Variants in TET3 observed in about 807,000 individuals in gnomAD.
The protein encoded by TET3 is methylcytosine dioxygenase TET3.
Under a neutral mutation model 141.4 loss-of-function variants are expected in TET3, and 19 were observed. The ratio of observed to expected loss-of-function variants is 0.13; its 90% CI spans 0.09 to 0.20. The LOEUF (loss-of-function observed/expected upper bound fraction) is 0.20. TET3 is among the 10% of genes least tolerant of loss of function. TET3 has a pLI of 1.00. For missense variants in TET3, 1,874 were observed against 2,356.9 expected (o/e 0.80, Z 4.24); for synonymous variants, 1,043 against 980.9 (o/e 1.06, Z -1.18).
intron 3 of TET3, among the ~76,000 whole-genome samples, chr2:74,004,215 C>G (rs942380541): frequency 6.6e-6 from 1 of 152,134 alleles, no homozygotes; most frequent in Non-Finnish European, 1.5e-5. Context: ...CACCTGCCCC[C>G]TCAGCCGCTG....
intron 10 of TET3, among the ~76,000 whole-genome samples, chr2:74,095,462 GTA>G (rs1489480724): frequency 6.6e-6 from 1 of 152,150 alleles, no homozygotes; most frequent in Non-Finnish European, 1.5e-5. Flanking sequence ...AAAATGAAAA[GTA>G]TTGTTTTTTC....
intron 4 of TET3, among the ~76,000 whole-genome samples, chr2:74,063,897 A>AAAAG (rs1442565664): frequency 4.0e-5 from 6 of 150,918 alleles, no homozygotes; most frequent in African/African-American, 1.5e-4. Flanking sequence ...TGCAGACAAA[A>AAAAG]AAAAAAAAAA....
Position 74,065,600 on chromosome 2 carries a change from TTCCG to T in TET3, c.2495-7929_2495-7926del, listed in dbSNP as rs112413159. Among the ~76,000 whole-genome samples, 1,101 of 130,912 alleles carry T rather than the reference TTCCG, an allele frequency of 8.4e-3. 4 individuals are homozygous for T. Among genetic ancestry groups the T allele is most frequent in the Non-Finnish European group, 0.012 (709 of 59,802 alleles). The allele number at this position is 130,912 out of a possible 152,430, so 85.9% of individuals were successfully genotyped here. A position where few individuals can be genotyped will look rare whatever the true frequency, so the allele number is the denominator to read the frequency against. Reference sequence around the variant, plus strand: ...GGTCACCTGGTTCGTCCGTCCTTCCTTCCGTCCGTCCGTCCGTCCGTCCTTCCTT... The same window carrying T: ...GGTCACCTGGTTCGTCCGTCCTTCCTTCCGTCCGTCCGTCCGTCCTTCCTT... On this transcript the variant is annotated intron_variant, in intron 4 of 11. Transcript: ENST00000409262.
chr2:73,994,070 G>T (rs891694223), intron 2 of TET3, among the ~76,000 whole-genome samples: 3 of 152,150 alleles, frequency 2.0e-5, no homozygotes, highest in African/African-American at 7.2e-5. Context: ...GGGCAGTCAG[G>T]TACAGTGAGT....
intron 4 of TET3, among the ~76,000 whole-genome samples, chr2:74,068,233 T>C (rs527496698): frequency 1.4e-4 from 21 of 152,318 alleles, no homozygotes; most frequent in Admixed American, 7.8e-4. Context: ...GAACTCAGTT[T>C]AAACTTGCTT....
At chr2:74,003,763 A>C (rs934003927) in intron 3 of TET3, among the ~76,000 whole-genome samples, 6 of 146,842 alleles carry the variant, frequency 4.1e-5, no homozygotes, top group Non-Finnish European at 8.9e-5. Flanking sequence ...ACTCTGTGTG[A>C]CTTGGTGTCT....
chr2:74,117,016 G>A, the TET3 span, among the ~76,000 whole-genome samples: 2 of 152,166 alleles, frequency 1.3e-5, no homozygotes, highest in African/African-American at 4.8e-5. Flanking sequence ...AAGGGAGAGG[G>A]GAGCGGGGAG....
At chr2:74,042,376 G>T (rs1687382958) in intron 3 of TET3, among the ~76,000 whole-genome samples, 1 of 152,216 alleles carries the variant, frequency 6.6e-6, no homozygotes, top group African/African-American at 2.4e-5. Flanking sequence ...CTGGGGGTGA[G>T]TTGGAGTAGT....
chr2:74,014,933 C>T lies in TET3; in HGVS notation c.360+11767C>T, dbSNP rs1012434457. Among the ~76,000 whole-genome samples the T allele has an allele frequency of 2.9e-4, 44 of 152,216 alleles. 1 individual carries two copies. The highest frequency in any genetic ancestry group is 5.9e-5 in the Non-Finnish European group (4 of 68,030). On this transcript the variant is annotated intron_variant, in intron 3 of 11. Transcript: ENST00000409262. ...GTGGACATCTCTTAGACACCACCTC[C>T]TGGGCTCCACTGAAAACCCATTTCT... is the stretch of plus-strand genomic sequence containing the variant.
At chr2:74,092,726 C>T (rs540065496) in intron 8 of TET3, among the ~76,000 whole-genome samples, 176 bp from the exon 9 acceptor site, 68 of 152,302 alleles carry the variant, frequency 4.5e-4, no homozygotes, top group Admixed American at 2.9e-3. Flanking sequence ...TCAGTGTCCC[C>T]AGCTGTGAAG....
chr2:73,991,070 A>C (rs936222551), intron 2 of TET3, among the ~76,000 whole-genome samples: 7 of 151,546 alleles, frequency 4.6e-5, no homozygotes, highest in African/African-American at 1.7e-4. Flanking sequence ...TGGCCTCCCA[A>C]AGTGCTGGGA....
At chr2:73,991,254 A>G (rs1481002047) in intron 2 of TET3, among the ~76,000 whole-genome samples, 1 of 151,994 alleles carries the variant, frequency 6.6e-6, no homozygotes, top group Non-Finnish European at 1.5e-5. Context: ...CAGATTCTAA[A>G]TGAAAATTAG....
chr2:74,092,427 G>T (rs1690552585), intron 8 of TET3, among the ~76,000 whole-genome samples: 1 of 152,152 alleles, frequency 6.6e-6, no homozygotes, highest in Admixed American at 6.5e-5. Flanking sequence ...CTTATGACAG[G>T]CTCTGGGCTG....
chr2:73,994,315 A>G (rs1558693508), intron 2 of TET3, among the ~76,000 whole-genome samples: 2 of 152,210 alleles, frequency 1.3e-5, no homozygotes, highest in South Asian at 2.1e-4. Context: ...CAAAGCTTGT[A>G]TGAAGAAGAG....
At chr2:74,092,331 A>G (rs746844631) in intron 8 of TET3, among the ~76,000 whole-genome samples, 3 of 151,950 alleles carry the variant, frequency 2.0e-5, no homozygotes, top group Non-Finnish European at 4.4e-5. Flanking sequence ...ATTCATCTGT[A>G]TTTCTGTAGC....
intron 10 of TET3, among the ~76,000 whole-genome samples, chr2:74,097,197 A>G (rs867992767): frequency 3.0e-5 from 4 of 132,452 alleles, no homozygotes; most frequent in East Asian, 2.3e-4. Context: ...CCATACATGC[A>G]CACACACACA....
downstream of TET3, among the ~76,000 whole-genome samples, chr2:74,110,463 T>C (rs944168283): frequency 3.3e-5 from 5 of 152,270 alleles, no homozygotes; most frequent in South Asian, 4.1e-4. Flanking sequence ...CAACGTCCCA[T>C]GTCCATGGGA....
chr2:74,023,998 T>G (rs1686207023), intron 3 of TET3, among the ~76,000 whole-genome samples: 1 of 152,232 alleles, frequency 6.6e-6, no homozygotes, highest in African/African-American at 2.4e-5. Context: ...TTTTCTAGCT[T>G]CTTGGATTGA....
chr2:74,122,576 C>CGAT, the TET3 span: 1 of 125,966 alleles, frequency 7.9e-6, no homozygotes, highest in Non-Finnish European at 1.6e-5. Flanking sequence ...TGCAGTGGCT[C>CGAT]GATCATGGCT....
Sources: allele counts gnomAD v4.1 joint callset (sites outside exome capture counted in the v4.1 genomes callset), GRCh38; gene constraint gnomAD v4.1.1; transcripts MANE v1.5; gene names NCBI Gene and HGNC (gene_info 2026-07-23, HGNC 2026-07-21).